EGFLAM: variants seen among roughly 807,000 people sequenced by gnomAD.
EGFLAM encodes the protein EGF like, fibronectin type III and laminin G domains, also known as pikachurin.
EGFLAM carries 79 observed loss-of-function variants against 113.1 expected under a neutral mutation model. The observed-to-expected ratio is 0.70, with a 90% CI of 0.58 to 0.84. The LOEUF is 0.84. Among genes scored for constraint, EGFLAM ranks in the 40% least tolerant of loss-of-function variants. The pLI is 0.00. For synonymous variants in EGFLAM, 504 were observed against 487.6 expected (o/e 1.03, Z -0.44); for missense variants, 1,265 against 1,291.6 (o/e 0.98, Z 0.32).
chr5:38,327,999 T>A (rs1219599412), intron 1 of EGFLAM, among the ~76,000 whole-genome samples: 1 of 152,228 alleles, frequency 6.6e-6, no homozygotes, highest in Non-Finnish European at 1.5e-5. Flanking sequence ...TCACACGTAG[T>A]ACTGTGAAGA....
At chr5:38,280,682 T>C (rs1470210408) in intron 1 of EGFLAM, among the ~76,000 whole-genome samples, 2 of 152,184 alleles carry the variant, frequency 1.3e-5, no homozygotes, top group Non-Finnish European at 2.9e-5. Flanking sequence ...TCTGGGTGCA[T>C]CAGTGTCCCT....
At chr5:38,300,375 C>CT (rs34070893) in intron 1 of EGFLAM, among the ~76,000 whole-genome samples, 9,253 of 140,558 alleles carry the variant, frequency 0.066, 486 homozygotes, top group African/African-American at 0.14. Flanking sequence ...ATCTCTCTCT[C>CT]TTTTTTTTTT....
intron 16 of EGFLAM, among the ~76,000 whole-genome samples, chr5:38,436,038 G>C (rs573793733): frequency 6.6e-6 from 1 of 151,910 alleles, no homozygotes; most frequent in Non-Finnish European, 1.5e-5. Context: ...GGCTGGTCTC[G>C]AACTCCTGAC....
chr5:38,424,810 C>T (rs1375323421), intron 12 of EGFLAM, among the ~76,000 whole-genome samples, 157 bp from the exon 13 acceptor site: 1 of 152,188 alleles, frequency 6.6e-6, no homozygotes, highest in Admixed American at 6.5e-5. Flanking sequence ...TCCACTTATC[C>T]TGAAAGCCCA....
intron 14 of EGFLAM, among the ~76,000 whole-genome samples, chr5:38,430,627 A>C (rs1054741995): frequency 1.3e-5 from 2 of 152,194 alleles, no homozygotes; most frequent in African/African-American, 4.8e-5. Flanking sequence ...TTCTCCAGGG[A>C]AACAGAACCA....
intron 1 of EGFLAM, among the ~76,000 whole-genome samples, chr5:38,315,783 G>A (rs534591317): frequency 1.3e-5 from 2 of 152,236 alleles, no homozygotes; most frequent in African/African-American, 4.8e-5. Flanking sequence ...TGTTTAAAAT[G>A]CCTAAGCACA....
In EGFLAM at chr5:38,426,994, T is replaced by C. The variant is rs1742030757; in HGVS notation, c.1811-15T>C. ...TGCCACAGAGGGATTTCTAACACCA[T>C]GCTTGTTTTTTCAGCTTTCACCTTG... is the stretch of plus-strand genomic sequence containing the variant. On this transcript the variant is annotated splice_polypyrimidine_tract_variant and intron_variant, in intron 13 of 21. Transcript: ENST00000322350. 1.2e-6 allele frequency: 2 copies of C among 1,613,180 alleles called. No individual in the cohort carries two copies. Among genetic ancestry groups the C allele is most frequent in the Non-Finnish European group, 1.7e-6 (2 of 1,179,762 alleles).
intron 5 of EGFLAM, among the ~76,000 whole-genome samples, chr5:38,369,974 A>G (rs1165940846): frequency 6.6e-6 from 1 of 152,250 alleles, no homozygotes; most frequent in Admixed American, 6.5e-5. Context: ...GTTTGTGAAC[A>G]TCTGGAAGGC....
rs546435419 is a variant in EGFLAM, at chr5:38,368,519, C to T, written c.546-1777C>T. ...TGGGCGAGCTCACATTAAGGAAATC[C>T]GCTGTTCACCCCGGCATCTTCTTTT... On this transcript the variant is annotated intron_variant, in intron 5 of 21. Coordinates refer to ENST00000322350, the MANE Select transcript of EGFLAM (RefSeq NM_152403.4). Among the ~76,000 whole-genome samples the T allele has an allele frequency of 2.0e-4, 30 of 152,254 alleles. No homozygotes were observed. The South Asian group carries it at 5.4e-3, about 27-fold the overall frequency.
intron 6 of EGFLAM, among the ~76,000 whole-genome samples, chr5:38,377,957 T>A (rs1740408906): frequency 6.6e-6 from 1 of 152,170 alleles, no homozygotes; most frequent in Admixed American, 6.5e-5. Context: ...CTAGACTACC[T>A]TTTCCTCCTT....
At chr5:38,421,970 C>T (rs893804284) in intron 12 of EGFLAM, among the ~76,000 whole-genome samples, 1 of 151,962 alleles carries the variant, frequency 6.6e-6, no homozygotes, top group Non-Finnish European at 1.5e-5. Flanking sequence ...AGGTCTATTG[C>T]AGTAGGTCAC....
At chr5:38,442,324 A>G (rs564111143) in intron 17 of EGFLAM, among the ~76,000 whole-genome samples, 19 of 148,026 alleles carry the variant, frequency 1.3e-4, no homozygotes, top group African/African-American at 4.4e-4. Flanking sequence ...TATATTTAAT[A>G]TCAATATATT....
At chr5:38,330,588 G>C (rs1739014526) in intron 1 of EGFLAM, among the ~76,000 whole-genome samples, 2 of 152,082 alleles carry the variant, frequency 1.3e-5, no homozygotes, top group South Asian at 4.1e-4. Context: ...AAAATACCTA[G>C]AGCGTTTCTA....
rs759894973 is a variant in EGFLAM, at chr5:38,463,857, C to T, written c.2901C>T (p.His967=). ...YVGGMKEIAL[H]TNRQYMRGLV... is the part of the protein sequence containing the mutation. ...GTGGAATGAAGGAAATTGCTCTGCA[C>T]ACTAACAGGCAATATATGAGAGGGC... The change falls in exon 22 of 22, where the codon CAC becomes CAT. Residue 967 remains histidine, a synonymous_variant. Transcript: ENST00000322350. 1.9e-6 allele frequency: 3 copies of T among 1,614,028 alleles called. No homozygotes were observed. The highest frequency in any genetic ancestry group is 1.7e-5 in the Admixed American group (1 of 60,024).
At chr5:38,369,911 C>T (rs899729438) in intron 5 of EGFLAM, among the ~76,000 whole-genome samples, 5 of 152,308 alleles carry the variant, frequency 3.3e-5, no homozygotes, top group Middle Eastern at 3.4e-3. Flanking sequence ...TGTGAATAGA[C>T]GGAATCTGTG....
intron 1 of EGFLAM, among the ~76,000 whole-genome samples, chr5:38,267,897 T>C (rs1490481895): frequency 6.6e-6 from 1 of 152,206 alleles, no homozygotes; most frequent in Non-Finnish European, 1.5e-5. Flanking sequence ...AGATGCAATG[T>C]TTTTATTGGT....
At chr5:38,443,436 T>TG (rs1742611445) in intron 17 of EGFLAM, among the ~76,000 whole-genome samples, 1 of 152,158 alleles carries the variant, frequency 6.6e-6, no homozygotes, top group South Asian at 2.1e-4. Context: ...ATGGGAGATC[T>TG]GGGGGTGTTT....
At chr5:38,413,002 A>G (rs923168051) in intron 11 of EGFLAM, among the ~76,000 whole-genome samples, 2 of 152,032 alleles carry the variant, frequency 1.3e-5, no homozygotes, top group African/African-American at 4.8e-5. Flanking sequence ...GAAGGCCCAT[A>G]TTAGAAAAAT....
Position 38,264,379 on chromosome 5 carries a change from T to A in EGFLAM, c.97+5528T>A, listed in dbSNP as rs114442238. On this transcript the variant is annotated intron_variant, in intron 1 of 21. Transcript: ENST00000322350. Reference sequence around the variant, plus strand: ...CTTTGTCAGTATTTCTCTAGTGGTATAATCAAACTAAAATAAAGATGTAAG... The same window carrying A: ...CTTTGTCAGTATTTCTCTAGTGGTAAAATCAAACTAAAATAAAGATGTAAG... 6.1e-3 allele frequency among the ~76,000 whole-genome samples: 931 copies of A among 152,308 alleles called. 13 individuals carry two copies. The highest frequency in any genetic ancestry group is 0.022 in the African/African-American group (895 of 41,574).
Sources: allele counts gnomAD v4.1 joint callset (sites outside exome capture counted in the v4.1 genomes callset), GRCh38; gene constraint gnomAD v4.1.1; transcripts MANE v1.5; gene names NCBI Gene and HGNC (gene_info 2026-07-23, HGNC 2026-07-21).